CMIP: variants seen among roughly 807,000 people sequenced by gnomAD.
CMIP encodes the protein C-Maf-inducing protein.
In CMIP, 13 loss-of-function variants were observed where a neutral mutation model predicts 97.3. The observed-to-expected ratio is 0.13, with a 90% CI of 0.09 to 0.21. The LOEUF (loss-of-function observed/expected upper bound fraction) is 0.21. Among genes scored for constraint, CMIP ranks in the 10% least tolerant of loss-of-function variants. The pLI is 1.00. For synonymous variants in CMIP, 538 were observed against 436.3 expected (o/e 1.23, Z -2.91); for missense variants, 847 against 1,024.9 (o/e 0.83, Z 2.37).
rs1449769128 is a variant in CMIP, at chr16:81,688,269, C to T, written c.1389-3506C>T. Reference sequence around the variant, plus strand: ...TCTGCACACAGGAAGGAGGCTCTTTCATGAAAGGGTTAAGTGAAGTCAGGT... The same window carrying T: ...TCTGCACACAGGAAGGAGGCTCTTTTATGAAAGGGTTAAGTGAAGTCAGGT... On this transcript the variant is annotated intron_variant, in intron 10 of 20. Coordinates refer to ENST00000537098, the MANE Select transcript of CMIP (RefSeq NM_198390.3). Among the ~76,000 whole-genome samples, 3 of 152,238 alleles carry T rather than the reference C, an allele frequency of 2.0e-5. No individual in the cohort carries two copies. In the East Asian group the frequency reaches 5.8e-4, roughly 29 times the overall value.
chr16:81,515,614 A>G (rs554474774), intron 1 of CMIP, among the ~76,000 whole-genome samples: 12 of 152,308 alleles, frequency 7.9e-5, no homozygotes, highest in Non-Finnish European at 1.8e-4. Context: ...GGGCTCTCAA[A>G]TGAAGCATCA....
intron 1 of CMIP, among the ~76,000 whole-genome samples, chr16:81,545,192 C>G (rs2090522725): frequency 6.6e-6 from 1 of 152,190 alleles, no homozygotes; most frequent in African/African-American, 2.4e-5. Context: ...TGCAGGGTGC[C>G]TTAGCTTCTT....
At chr16:81,613,949 T>C (rs2091871763) in intron 2 of CMIP, among the ~76,000 whole-genome samples, 1 of 152,178 alleles carries the variant, frequency 6.6e-6, no homozygotes, top group African/African-American at 2.4e-5. Flanking sequence ...GACACAGTGG[T>C]GCCTAAGTCA....
In CMIP at chr16:81,676,468, C is replaced by T. The variant is rs189099428; in HGVS notation, c.1035-1807C>T. Reference sequence around the variant, plus strand: ...TCTCTTGAAAATCACCAATCTGAGCCAAACAGCCTTGAAAATCCACTTTTA... The same window carrying T: ...TCTCTTGAAAATCACCAATCTGAGCTAAACAGCCTTGAAAATCCACTTTTA... On this transcript the variant is annotated intron_variant, in intron 9 of 20. Transcript: ENST00000537098. 5.7e-3 allele frequency among the ~76,000 whole-genome samples: 870 copies of T among 152,192 alleles called. 4 individuals carry two copies. The highest frequency in any genetic ancestry group is 8.3e-3 in the Admixed American group (127 of 15,290).
intron 9 of CMIP, among the ~76,000 whole-genome samples, chr16:81,676,047 C>T (rs1194680003): frequency 2.0e-5 from 3 of 152,164 alleles, no homozygotes; most frequent in African/African-American, 7.2e-5. Context: ...CCATTCCCCT[C>T]TGGCTGCTGC....
chr16:81,672,563 T>A (rs983882114), intron 9 of CMIP, among the ~76,000 whole-genome samples: 7 of 152,100 alleles, frequency 4.6e-5, no homozygotes, highest in African/African-American at 7.2e-5. Flanking sequence ...TTGCCCATGA[T>A]TTGCATGGTT....
intron 17 of CMIP, among the ~76,000 whole-genome samples, chr16:81,702,961 T>A (rs1282665010): frequency 6.6e-6 from 1 of 152,188 alleles, no homozygotes; most frequent in Non-Finnish European, 1.5e-5. Context: ...AGCATTTGTG[T>A]GTCAGATGCT....
chr16:81,480,100 G>T (rs1002579021), intron 1 of CMIP, among the ~76,000 whole-genome samples: 2 of 152,188 alleles, frequency 1.3e-5, no homozygotes, highest in South Asian at 2.1e-4. Context: ...AGCCTTTTCC[G>T]AGCGATTCTA....
chr16:81,615,214 G>A (rs1187406097), intron 2 of CMIP, among the ~76,000 whole-genome samples: 1 of 121,652 alleles, frequency 8.2e-6, no homozygotes, highest in Non-Finnish European at 1.7e-5. Flanking sequence ...TGTAACTATG[G>A]TGTGTATGTG....
chr16:81,652,565 C>A lies in CMIP; in HGVS notation c.639+201C>A, dbSNP rs943104769. Among the ~76,000 whole-genome samples the A allele has an allele frequency of 6.6e-6, 1 of 152,132 alleles. No homozygotes were observed. On this transcript the variant is annotated intron_variant, in intron 4 of 20. Transcript: ENST00000537098. The surrounding 1 kb of genome is among the most constrained non-coding windows in gnomAD (Gnocchi z 5.2). The stretch of plus-strand genomic sequence containing the variant: ...CTTGCCCCAGCTGCTTGCAGCTGTG[C>A]TGTCTGGGGATTGTAGGCACCGAAG...
At chr16:81,465,875 G>A (rs538991744) in intron 1 of CMIP, among the ~76,000 whole-genome samples, 1 of 152,322 alleles carries the variant, frequency 6.6e-6, no homozygotes, top group Admixed American at 6.5e-5. Context: ...CCGGCTGAGG[G>A]CTGGGCTGTG....
chr16:81,490,810 G>A (rs1293716587), intron 1 of CMIP, among the ~76,000 whole-genome samples: 2 of 151,692 alleles, frequency 1.3e-5, no homozygotes, highest in African/African-American at 2.4e-5. Flanking sequence ...TTCCAGACAA[G>A]GAGAGCAAAT....
rs927549427 is a variant in CMIP, at chr16:81,453,588, A to G, written c.300+8047A>G. On this transcript the variant is annotated intron_variant, in intron 1 of 20. Coordinates refer to ENST00000537098, the MANE Select transcript of CMIP (RefSeq NM_198390.3). This position sits in a 1 kb window ranked among gnomAD's most constrained non-coding sequence, Gnocchi z 4.0. ...GTGGACTAGGTGACCCTGTTTACCA[A>G]CACACACACCGGTGCGAGGCTCTGC... Among the ~76,000 whole-genome samples the G allele has an allele frequency of 5.9e-5, 9 of 152,154 alleles. No homozygotes were observed. The highest frequency in any genetic ancestry group is 1.4e-4 in the African/African-American group (6 of 41,438).
At chr16:81,542,531 C>T (rs1479535140) in intron 1 of CMIP, among the ~76,000 whole-genome samples, 1 of 152,102 alleles carries the variant, frequency 6.6e-6, no homozygotes, top group Non-Finnish European at 1.5e-5. Context: ...ATCTGAGGGT[C>T]GTATTCTCCA....
chr16:81,607,520 G>T (rs1421590652), intron 1 of CMIP, 47 bp from the exon 2 acceptor site: 4 of 1,602,388 alleles, frequency 2.5e-6, no homozygotes, highest in Non-Finnish European at 3.4e-6. Flanking sequence ...CGTCATGCCT[G>T]CTACTGTAAC....
chr16:81,480,306 G>C (rs1479086368), intron 1 of CMIP, among the ~76,000 whole-genome samples: 1 of 152,184 alleles, frequency 6.6e-6, no homozygotes, highest in Non-Finnish European at 1.5e-5. Flanking sequence ...TTGGGAGGCC[G>C]AGGTGGGCAG....
chr16:81,566,793 A>G (rs928019737), intron 1 of CMIP, among the ~76,000 whole-genome samples: 2 of 152,260 alleles, frequency 1.3e-5, no homozygotes, highest in African/African-American at 4.8e-5. Flanking sequence ...ATTGTGGCAT[A>G]GTTATACAAT....
chr16:81,539,858 A>G (rs975851069), intron 1 of CMIP, among the ~76,000 whole-genome samples: 1 of 152,240 alleles, frequency 6.6e-6, no homozygotes, highest in Non-Finnish European at 1.5e-5. Flanking sequence ...CATGTGATTC[A>G]TAGCACAATT....
In CMIP at chr16:81,701,675, C is replaced by G; in HGVS notation, c.1771C>G (p.Leu591Val). 1.9e-6 allele frequency: 3 copies of G among 1,613,910 alleles called. No homozygotes were observed. Among genetic ancestry groups the G allele is most frequent in the Non-Finnish European group, 2.5e-6 (3 of 1,179,898 alleles). ...TTCTGGACAGATCCTGTGCTTGATG[C>G]TGGAATACAACATCATCGACAACAA... is the stretch of plus-strand genomic sequence containing the variant. Reference protein sequence around the residue: ...QTMVEILCLMLEYNIIDNNDT... With the variant: ...QTMVEILCLMVEYNIIDNNDT... Residue 591 changes from leucine (L) to valine (V), a missense_variant, in exon 16 of 21, where the codon CTG (leucine) becomes GTG (valine). Leu to Val is a conservative substitution (Grantham distance 32, BLOSUM62 1). Transcript: ENST00000537098.
Sources: allele counts gnomAD v4.1 joint callset (sites outside exome capture counted in the v4.1 genomes callset), GRCh38; gene constraint gnomAD v4.1.1; non-coding constraint Gnocchi (gnomAD v3.1); transcripts MANE v1.5; gene names NCBI Gene and HGNC (gene_info 2026-07-23, HGNC 2026-07-21).